SULF2: variants seen among roughly 807,000 people sequenced by gnomAD.
SULF2 encodes sulfatase 2.
Under a neutral mutation model 107.7 loss-of-function variants are expected in SULF2, and 52 were observed. The observed-to-expected ratio is 0.48, with a 90% CI of 0.39 to 0.61. The LOEUF is 0.61. SULF2 is among the 20% of genes least tolerant of loss of function. SULF2 has a pLI of 0.00. For missense variants in SULF2, 993 were observed against 1,177.3 expected, an observed-to-expected ratio of 0.84 and a Z score of 2.29; for synonymous variants, 460 against 464.3, an observed-to-expected ratio of 0.99 and a Z score of 0.12.
intron 2 of SULF2, among the ~76,000 whole-genome samples, chr20:47,755,643 T>A (rs1050762479): frequency 6.6e-6 from 1 of 152,188 alleles, no homozygotes; most frequent in Non-Finnish European, 1.5e-5. Flanking sequence ...CACTGCCCTA[T>A]CACCCCATCG....
chr20:47,693,174 G>A (rs73313913), intron 4 of SULF2, among the ~76,000 whole-genome samples: 29,779 of 152,156 alleles, frequency 0.2, 3,093 homozygotes, highest in African/African-American at 0.24. Context: ...TGCTGCTATA[G>A]TTTTGGAACG....
chr20:47,659,358 C>T lies in SULF2; in HGVS notation c.2582+41G>A, dbSNP rs369388387. On this transcript the variant is annotated intron_variant, in intron 20 of 20. Coordinates refer to ENST00000688720, the MANE Select transcript of SULF2 (RefSeq NM_001387048.1). ...AATAGCATTGGCAAAATGAAGCGGT[C>T]AGAACCAGATTTCTATTTGTAAGCT... 309 of 1,591,578 alleles carry T rather than the reference C, an allele frequency of 1.9e-4. 4 individuals are homozygous for T. The South Asian group carries it at 3.3e-3, about 17-fold the overall frequency.
intron 4 of SULF2, among the ~76,000 whole-genome samples, chr20:47,697,336 GA>G (rs888884099): frequency 2.0e-5 from 3 of 152,238 alleles, no homozygotes; most frequent in African/African-American, 4.8e-5. Context: ...ACTTGGGACA[GA>G]GTCCTCAGAG....
At chr20:47,742,164 C>T (rs1053408512) in intron 2 of SULF2, among the ~76,000 whole-genome samples, 5 of 152,342 alleles carry the variant, frequency 3.3e-5, no homozygotes, top group African/African-American at 4.8e-5. Flanking sequence ...ACTGCCATAG[C>T]GACGAGGCTG....
At chr20:47,661,271 C>G (rs1056567718) in intron 18 of SULF2, among the ~76,000 whole-genome samples, 3 of 152,020 alleles carry the variant, frequency 2.0e-5, no homozygotes, top group Non-Finnish European at 2.9e-5. Context: ...CGATTGCATC[C>G]TACTTTTCAG....
chr20:47,691,627 A>G (rs970001050), intron 4 of SULF2, among the ~76,000 whole-genome samples: 6 of 152,222 alleles, frequency 3.9e-5, no homozygotes, highest in African/African-American at 1.2e-4. Flanking sequence ...TGTGCTTGCC[A>G]TGTGCTCTAA....
At chr20:47,737,036 A>G (rs992044435) in intron 2 of SULF2, 94 bp from the exon 3 acceptor site, 6 of 1,565,140 alleles carry the variant, frequency 3.8e-6, no homozygotes, top group African/African-American at 1.3e-5. Flanking sequence ...CTAGGTCTGG[A>G]GTGGGCACAT....
chr20:47,735,277 G>C (rs554882727), intron 3 of SULF2, among the ~76,000 whole-genome samples: 1 of 152,262 alleles, frequency 6.6e-6, no homozygotes, highest in Admixed American at 6.5e-5. Flanking sequence ...TGTGAAAAGA[G>C]AGTCTGTGAG....
At chr20:47,771,720 G>A (rs1350866847) in intron 1 of SULF2, among the ~76,000 whole-genome samples, 1 of 152,142 alleles carries the variant, frequency 6.6e-6, no homozygotes, top group Non-Finnish European at 1.5e-5. Flanking sequence ...CGGGGGCGGG[G>A]GCAGTGATGA....
At chr20:47,743,060 C>G in intron 2 of SULF2, among the ~76,000 whole-genome samples, 1 of 148,900 alleles carries the variant, frequency 6.7e-6, no homozygotes, top group East Asian at 2.0e-4. Context: ...CGGCCCTCAA[C>G]TTGGGTGATT....
At chr20:47,753,533 C>T (rs1471257643) in intron 2 of SULF2, among the ~76,000 whole-genome samples, 1 of 152,244 alleles carries the variant, frequency 6.6e-6, no homozygotes, top group African/African-American at 2.4e-5. Flanking sequence ...TTTAAAAACA[C>T]GACTTGGTTT....
intron 1 of SULF2, among the ~76,000 whole-genome samples, chr20:47,764,139 TC>T (rs34465467): frequency 8.7e-4 from 133 of 152,252 alleles, no homozygotes; most frequent in Non-Finnish European, 1.6e-3. Context: ...TTCTTCCCCC[TC>T]CTCAGGTCTT....
At chr20:47,748,553 A>G (rs2090096751) in intron 2 of SULF2, among the ~76,000 whole-genome samples, 3 of 152,236 alleles carry the variant, frequency 2.0e-5, no homozygotes, top group Admixed American at 6.5e-5. Flanking sequence ...AAGATGTGCC[A>G]GGAGCCTGCC....
At chr20:47,721,497 T>C (rs1021035499) in intron 3 of SULF2, among the ~76,000 whole-genome samples, 23 of 152,146 alleles carry the variant, frequency 1.5e-4, no homozygotes, top group African/African-American at 5.6e-4. Context: ...ACCTCCCCAG[T>C]ACCTGGGACT....
intron 4 of SULF2, among the ~76,000 whole-genome samples, chr20:47,692,693 TTCAACTCCTGGTC>T (rs1279930942): frequency 6.6e-6 from 1 of 152,038 alleles, no homozygotes. Context: ...CAGGCTGATC[TTCAACTCCTGGTC>T]TCAAGCAATC....
rs543005604 is a variant in SULF2 at position 47,694,167 on chromosome 20, C to T, written c.568-3872G>A. ...AGCCAACAAGAGCCACCCATCCCTC[C>T]GGCCACAGGGCTTCAGCCATGCCCT... On this transcript the variant is annotated intron_variant, in intron 4 of 20. Transcript: ENST00000688720. This position sits in a 1 kb window ranked among gnomAD's most constrained non-coding sequence, Gnocchi z 4.4. Among the ~76,000 whole-genome samples the T allele has an allele frequency of 7.7e-4, 117 of 152,340 alleles. 1 individual carries two copies. Among genetic ancestry groups the T allele is most frequent in the Middle Eastern group, 3.4e-3 (1 of 294 alleles).
At chr20:47,718,010 G>A (rs1328949307) in intron 3 of SULF2, among the ~76,000 whole-genome samples, 1 of 152,010 alleles carries the variant, frequency 6.6e-6, no homozygotes, top group Non-Finnish European at 1.5e-5. Flanking sequence ...GTAGAGATGG[G>A]ATTTCACCTT....
intron 14 of SULF2, 94 bp downstream of exon 14, chr20:47,665,102 AAAT>A: frequency 1.2e-6 from 1 of 829,294 alleles, no homozygotes; most frequent in Non-Finnish European, 2.1e-6. Flanking sequence ...ATAAAGATAA[AAAT>A]AAAAAATGAA....
intron 18 of SULF2, among the ~76,000 whole-genome samples, chr20:47,660,636 G>A (rs916448562): frequency 6.6e-6 from 1 of 151,512 alleles, no homozygotes; most frequent in African/African-American, 2.4e-5. Context: ...GAGATGGGGC[G>A]ACAGCTCTGT....
Sources: gnomAD v4.1 joint callset for allele counts (sites outside exome capture counted in the v4.1 genomes callset) on GRCh38, gnomAD v4.1.1 for gene constraint, Gnocchi (gnomAD v3.1) non-coding constraint, MANE v1.5 for transcripts, NCBI Gene and HGNC (gene_info 2026-07-23, HGNC 2026-07-21) for gene names.